KIF17: variants seen among roughly 807,000 people sequenced by gnomAD.
KIF17 encodes the protein kinesin family member 17.
In KIF17, 80 loss-of-function variants were observed where a neutral mutation model predicts 96.8. The ratio of observed to expected loss-of-function variants is 0.83; its 90% CI spans 0.69 to 1.00. The LOEUF (loss-of-function observed/expected upper bound fraction) is 1.00, where lower values mean the gene tolerates loss of function less well. Ranked by LOEUF, KIF17 falls within the 50% of genes least tolerant of loss-of-function variation. The pLI is 0.00. For missense variants in KIF17, 1,280 were observed against 1,372.9 expected (o/e 0.93, Z 1.07); for synonymous variants, 567 against 587.5 (o/e 0.97, Z 0.51).
chr1:20,676,799 C>T (rs962007683), intron 11 of KIF17, among the ~76,000 whole-genome samples: 5 of 151,966 alleles, frequency 3.3e-5, no homozygotes, highest in African/African-American at 1.2e-4. Context: ...CCATTGCACT[C>T]CAGCCTGGGC....
chr1:20,694,911 C>T (rs1312114221), intron 6 of KIF17, among the ~76,000 whole-genome samples: 2 of 152,168 alleles, frequency 1.3e-5, no homozygotes, highest in Non-Finnish European at 2.9e-5. Context: ...ACTCCCTCAC[C>T]CAGCCCCTCT....
chr1:20,675,349 G>A (rs989589464), intron 11 of KIF17, among the ~76,000 whole-genome samples: 2 of 151,324 alleles, frequency 1.3e-5, no homozygotes, highest in African/African-American at 2.4e-5. Flanking sequence ...TCGGGAGGCT[G>A]AAGCAGGAGA....
chr1:20,673,204 ACT>A (rs1252213543), intron 11 of KIF17, among the ~76,000 whole-genome samples: 2 of 151,988 alleles, frequency 1.3e-5, no homozygotes, highest in Non-Finnish European at 2.9e-5. Flanking sequence ...ACAGAGTGAG[ACT>A]CTGTCTCAAA....
intron 6 of KIF17, 118 bp from the exon 7 acceptor site, chr1:20,690,453 A>G: frequency 1.1e-6 from 1 of 877,652 alleles, no homozygotes; most frequent in Non-Finnish European, 1.7e-6. Flanking sequence ...AAGCCAAGAG[A>G]ATCCAATGGT....
At chr1:20,712,813 A>AGC (rs2054486999) in intron 3 of KIF17, among the ~76,000 whole-genome samples, 1 of 32,946 alleles carries the variant, frequency 3.0e-5, no homozygotes, top group Non-Finnish European at 6.4e-5. Flanking sequence ...ATATCTATAT[A>AGC]TATAATATAG....
rs2054332324 is a variant in KIF17, at chr1:20,705,889, G to GTC, written c.671-992_671-991dup. On this transcript the variant is annotated intron_variant, in intron 4 of 14. Transcript: ENST00000400463. Reference sequence around the variant, plus strand: ...CTCAGTCTATAATCCTCAGTAGGATGTCTCTTTTTTTTTTTTTTTTTTTTT... The same window carrying GTC: ...CTCAGTCTATAATCCTCAGTAGGATGTCTCTCTTTTTTTTTTTTTTTTTTTTT... Among the ~76,000 whole-genome samples the GTC allele has an allele frequency of 6.6e-5, 7 of 105,428 alleles. No individual in the cohort carries two copies. The East Asian group carries it at 1.7e-3, about 25-fold the overall frequency. The allele number at this position is 105,428 out of a possible 152,430, so 69.2% of individuals were successfully genotyped here. A position where few individuals can be genotyped will look rare whatever the true frequency, so the allele number is the denominator to read the frequency against.
chr1:20,698,452 T>C lies in KIF17; in HGVS notation c.1160A>G (p.Gln387Arg), dbSNP rs2054180796. Residue 387 changes from glutamine to arginine, a missense_variant, in exon 6 of 15, where the codon CAG becomes CGG. By Grantham distance (43) the Gln-to-Arg change is conservative. Transcript: ENST00000400463. ...TTGGGGCAACAGCTTCTCCTCCACC[T>C]GCACAGGGTCTGGGGGCACCTGCCT... is the stretch of plus-strand genomic sequence containing the variant. ...LSRQVPPDPV[Q>R]VEEKLLPQPV... The C allele has an allele frequency of 1.9e-6, 3 of 1,613,542 alleles. No individual in the cohort carries two copies. The highest frequency in any genetic ancestry group is 1.7e-5 in the Admixed American group (1 of 59,998).
Position 20,683,222 on chromosome 1 carries a change from T to A in KIF17, c.2232-338A>T, listed in dbSNP as rs546978641. 7.9e-4 allele frequency among the ~76,000 whole-genome samples: 120 copies of A among 152,336 alleles called. 1 individual carries two copies. The highest frequency in any genetic ancestry group is 3.4e-3 in the Middle Eastern group (1 of 294). On this transcript the variant is annotated intron_variant, in intron 10 of 14. Coordinates refer to ENST00000400463, the MANE Select transcript of KIF17 (RefSeq NM_001122819.3). ...TCTGTGTCTAAGGCCACTGGCATGATGAGAAGAACCCTGGGTTGTGAAAAA... is the reference window on the plus strand; with the variant it reads ...TCTGTGTCTAAGGCCACTGGCATGAAGAGAAGAACCCTGGGTTGTGAAAAA...
rs541884451 is a variant in KIF17, at chr1:20,675,169, C to T, written c.2464-2973G>A. Among the ~76,000 whole-genome samples, 8 of 138,098 alleles carry T rather than the reference C, an allele frequency of 5.8e-5. No individual in the cohort carries two copies. The East Asian group carries it at 1.1e-3, about 19-fold the overall frequency. 90.6% of individuals were successfully genotyped at this position (138,098 alleles called of 152,430 possible). A position where few individuals can be genotyped will look rare whatever the true frequency, so the allele number is the denominator to read the frequency against. The stretch of plus-strand genomic sequence containing the variant: ...CCATCTCAAAAAAAAAAAAAAGGGC[C>T]GGGTGCGGTGGCTCATGCCTATAAT... On this transcript the variant is annotated intron_variant, in intron 11 of 14. Coordinates refer to ENST00000400463, the MANE Select transcript of KIF17 (RefSeq NM_001122819.3).
intron 5 of KIF17, among the ~76,000 whole-genome samples, chr1:20,701,072 T>C (rs2054225394): frequency 6.6e-6 from 1 of 152,208 alleles, no homozygotes; most frequent in African/African-American, 2.4e-5. Flanking sequence ...CCAGGAGCAC[T>C]GTGAGTCACG....
Position 20,687,502 on chromosome 1 carries a change from C to G in KIF17, c.1824G>C (p.Gly608=). 1 of 1,613,682 alleles carries G rather than the reference C, an allele frequency of 6.2e-7. No individual in the cohort carries two copies. The highest frequency in any genetic ancestry group is 8.5e-7 in the Non-Finnish European group (1 of 1,179,750). ...CAAACGGGTCCTGCAGGCCTAGTAA[C>G]CCCTGCAGGGGCACCTCCTGCGGCT... ...QEEPQEVPLQ[G]LLGLQDPFAE... Residue 608 remains glycine (G), a synonymous_variant, in exon 8 of 15, where the codon GGG becomes GGC. Transcript: ENST00000400463. The surrounding 1 kb of genome is among the most constrained non-coding windows in gnomAD (Gnocchi z 4.4).
At chr1:20,666,436 C>T in intron 13 of KIF17, 105 bp from the exon 14 acceptor site, 3 of 934,074 alleles carry the variant, frequency 3.2e-6, no homozygotes, top group Non-Finnish European at 5.3e-6. Flanking sequence ...CCCCGAGCTT[C>T]CCCGAAGTTG....
intron 14 of KIF17, 88 bp downstream of exon 14, chr1:20,666,126 G>T: frequency 2.9e-6 from 3 of 1,034,118 alleles, no homozygotes; most frequent in South Asian, 1.3e-5. Flanking sequence ...AGGAGTTTTT[G>T]AACCCAGGCC....
chr1:20,690,352 G>GGGGGGGCCCCC lies in KIF17; in HGVS notation c.1234-18_1234-17insGGGGGCCCCCC. 4.4e-6 allele frequency: 2 copies of GGGGGGGCCCCC among 451,158 alleles called. No homozygotes were observed. 27.9% of individuals were successfully genotyped at this position (451,158 alleles called of 1,614,324 possible). ...TTCATACTCCTGGGGGGGTGGGAGG[G>GGGGGGGCCCCC]ACCAGAGGGCAGGCAGCATTTTATC... On this transcript the variant is annotated splice_polypyrimidine_tract_variant and intron_variant, in intron 6 of 14. Coordinates refer to ENST00000400463, the MANE Select transcript of KIF17 (RefSeq NM_001122819.3).
Position 20,709,233 on chromosome 1 carries a change from A to T in KIF17, c.670+406T>A, listed in dbSNP as rs2054393639. Among the ~76,000 whole-genome samples the T allele has an allele frequency of 6.6e-6, 1 of 152,150 alleles. No individual in the cohort carries two copies. The highest frequency in any genetic ancestry group is 2.1e-4 in the South Asian group (1 of 4,830). ...CAGCAAGACCCCGTCTCTACAAAAA[A>T]TTAGCCAGGCATGGTGGTGTGCATG... On this transcript the variant is annotated intron_variant, in intron 4 of 14. Coordinates refer to ENST00000400463, the MANE Select transcript of KIF17 (RefSeq NM_001122819.3). The surrounding 1 kb of genome is among the most constrained non-coding windows in gnomAD (Gnocchi z 4.7).
intron 11 of KIF17, among the ~76,000 whole-genome samples, chr1:20,678,036 A>G (rs1285060748): frequency 1.3e-5 from 2 of 152,242 alleles, no homozygotes; most frequent in Non-Finnish European, 2.9e-5. Context: ...CAATGCTCAT[A>G]AAGACATACC....
chr1:20,684,168 C>G (rs1348641690), intron 10 of KIF17, among the ~76,000 whole-genome samples: 1 of 152,222 alleles, frequency 6.6e-6, no homozygotes, highest in Non-Finnish European at 1.5e-5. Flanking sequence ...GAGAACAGGA[C>G]CCTCTTGGCC....
rs531505555 is a variant in KIF17 at position 20,682,862 on chromosome 1, C to G, written c.2254G>C (p.Val752Leu). The G allele has an allele frequency of 3.1e-6, 5 of 1,611,330 alleles. No homozygotes were observed. Among genetic ancestry groups the G allele is most frequent in the Non-Finnish European group, 3.4e-6 (4 of 1,179,858 alleles). ...TTCTTGGCCTGCTCTCCACCCACAA[C>G]CTGCTGCTCCAACAGCTGCAGACTG... is the stretch of plus-strand genomic sequence containing the variant. ...LARLQLLEQQ[V>L]VGGEQAKNKD... The change falls in exon 11 of 15, where the codon GTT (valine) becomes CTT (leucine). Residue 752 changes from valine to leucine, a missense_variant. Val to Leu is a conservative substitution (Grantham distance 32). Coordinates refer to ENST00000400463, the MANE Select transcript of KIF17 (RefSeq NM_001122819.3).
In KIF17 at chr1:20,709,702, T is replaced by A. The variant is rs772235015; in HGVS notation, c.607A>T (p.Met203Leu). The change falls in exon 4 of 15, where the codon ATG (methionine) becomes TTG (leucine). Residue 203 changes from methionine (M) to leucine (L), a missense_variant. By Grantham distance (15) the Met-to-Leu change is conservative (BLOSUM62 2). Coordinates refer to ENST00000400463, the MANE Select transcript of KIF17 (RefSeq NM_001122819.3). This position sits in a 1 kb window ranked among gnomAD's most constrained non-coding sequence, Gnocchi z 4.7. ...TGCGAGCGTGAGGAATCCTTGTTCA[T>A]CAGCGTGTAGCCGACCGAACGGTTC... Reference protein sequence around the residue: ...WKNRSVGYTLMNKDSSRSHSI... With the variant: ...WKNRSVGYTLLNKDSSRSHSI... 1 of 1,614,146 alleles carries A rather than the reference T, an allele frequency of 6.2e-7. No individual in the cohort carries two copies. The highest frequency in any genetic ancestry group is 8.5e-7 in the Non-Finnish European group (1 of 1,180,036).
Sources: gnomAD v4.1 joint callset for allele counts (sites outside exome capture counted in the v4.1 genomes callset) on GRCh38, gnomAD v4.1.1 for gene constraint, Gnocchi (gnomAD v3.1) non-coding constraint, MANE v1.5 for transcripts, NCBI Gene and HGNC (gene_info 2026-07-23, HGNC 2026-07-21) for gene names.